Variants in PARD3B observed in about 807,000 individuals in gnomAD.
PARD3B encodes par-3 family cell polarity regulator beta, also known as partitioning defective 3 homolog B.
A neutral mutation model predicts 130.2 loss-of-function variants in PARD3B; 103 were observed. The ratio of observed to expected loss-of-function variants is 0.79; its 90% CI spans 0.67 to 0.93. The LOEUF (loss-of-function observed/expected upper bound fraction) is 0.93, where lower values mean the gene tolerates loss of function less well. PARD3B is among the 40% of genes least tolerant of loss of function. The pLI is 0.00. For missense variants in PARD3B, 1,609 were observed against 1,499.2 expected (o/e 1.07, Z -1.21); for synonymous variants, 583 against 553.2 (o/e 1.05, Z -0.76).
intron 18 of PARD3B, among the ~76,000 whole-genome samples, chr2:205,304,491 C>T (rs1386415625): frequency 2.0e-5 from 3 of 151,892 alleles, no homozygotes; most frequent in African/African-American, 4.8e-5. Flanking sequence ...CAAAATTAGC[C>T]GGGCGTGGTG....
rs1258698402 is a variant in PARD3B, at chr2:205,572,947, A to G, written c.3260+19544A>G. Among the ~76,000 whole-genome samples, 1 of 152,184 alleles carries G rather than the reference A, an allele frequency of 6.6e-6. No homozygotes were observed. ...AGGTTTAATTGACTCACAGTTCAGCATGGCTAGGGAGGCCTCAGGAAACTT... is the reference window on the plus strand; with the variant it reads ...AGGTTTAATTGACTCACAGTTCAGCGTGGCTAGGGAGGCCTCAGGAAACTT... On this transcript the variant is annotated intron_variant, in intron 22 of 22. Coordinates refer to ENST00000406610, the MANE Select transcript of PARD3B (RefSeq NM_001302769.2). The surrounding 1 kb of genome is among the most constrained non-coding windows in gnomAD (Gnocchi z 4.2).
intron 3 of PARD3B, among the ~76,000 whole-genome samples, chr2:205,020,140 A>G (rs936779290): frequency 1.3e-5 from 2 of 152,036 alleles, no homozygotes; most frequent in African/African-American, 4.8e-5. Flanking sequence ...AGTTCCCTTC[A>G]CTTAGGATGA....
intron 6 of PARD3B, among the ~76,000 whole-genome samples, chr2:205,117,973 TTTTC>T (rs1421077225): frequency 1.9e-5 from 1 of 54,000 alleles, no homozygotes; most frequent in East Asian, 4.7e-4. Flanking sequence ...GTGGCTATAG[TTTTC>T]TTTCTTCTTT....
intron 15 of PARD3B, among the ~76,000 whole-genome samples, chr2:205,222,199 C>T (rs1408210049): frequency 6.7e-6 from 1 of 150,272 alleles, no homozygotes; most frequent in Admixed American, 6.6e-5. Flanking sequence ...AAAAGAAACA[C>T]ATATGCTGTT....
intron 3 of PARD3B, among the ~76,000 whole-genome samples, chr2:204,970,705 T>C (rs929226715): frequency 7.2e-5 from 11 of 152,262 alleles, no homozygotes; most frequent in Non-Finnish European, 1.6e-4. Context: ...TTTAGTTAAA[T>C]TATTTTAGCA....
intron 20 of PARD3B, among the ~76,000 whole-genome samples, chr2:205,454,415 A>G (rs1429682112): frequency 1.3e-5 from 2 of 152,164 alleles, no homozygotes; most frequent in Non-Finnish European, 2.9e-5. Context: ...TTAATGGTAT[A>G]CTCATAATTA....
At chr2:204,624,069 C>T (rs1443597399) in intron 1 of PARD3B, among the ~76,000 whole-genome samples, 2 of 151,954 alleles carry the variant, frequency 1.3e-5, no homozygotes, top group Non-Finnish European at 2.9e-5. Context: ...AGTGAAATGT[C>T]CATCATTTAG....
At chr2:204,923,783 C>A (rs1280465386) in intron 2 of PARD3B, among the ~76,000 whole-genome samples, 1 of 151,996 alleles carries the variant, frequency 6.6e-6, no homozygotes, top group Non-Finnish European at 1.5e-5. Context: ...CTACTTTTGA[C>A]ACAGGTGCCT....
At chr2:205,173,188 A>C (rs1253790535) in intron 12 of PARD3B, among the ~76,000 whole-genome samples, 1 of 152,192 alleles carries the variant, frequency 6.6e-6, no homozygotes, top group Non-Finnish European at 1.5e-5. Flanking sequence ...TAATAAAATA[A>C]TATACAAAAT....
chr2:204,836,253 T>C (rs1163331328), intron 2 of PARD3B, among the ~76,000 whole-genome samples: 7 of 152,216 alleles, frequency 4.6e-5, no homozygotes, highest in Non-Finnish European at 1.0e-4. Flanking sequence ...CAGGAGAATT[T>C]TTTTTATCTC....
chr2:205,064,738 A>G (rs114848418), intron 4 of PARD3B, among the ~76,000 whole-genome samples: 16,880 of 152,258 alleles, frequency 0.11, 1,049 homozygotes, highest in Middle Eastern at 0.17. Context: ...GGGAGCTTCA[A>G]GGAAAAAGAT....
chr2:205,177,555 T>A (rs370399906), intron 13 of PARD3B, among the ~76,000 whole-genome samples: 1 of 152,196 alleles, frequency 6.6e-6, no homozygotes, highest in East Asian at 1.9e-4. Context: ...AGTCCCTATA[T>A]TTTGAACACT....
chr2:205,345,089 T>TG (rs2043700933), intron 18 of PARD3B, among the ~76,000 whole-genome samples: 1 of 152,312 alleles, frequency 6.6e-6, no homozygotes, highest in African/African-American at 2.4e-5. Context: ...CTCACCCATT[T>TG]GCAAGGTTCA....
At position 205,488,334 on chromosome 2, in the gene PARD3B, C is replaced by T. The variant is rs113291677; in HGVS notation, c.3045-11562C>T. 9.2e-4 allele frequency among the ~76,000 whole-genome samples: 140 copies of T among 152,132 alleles called. 1 individual carries two copies. Among genetic ancestry groups the T allele is most frequent in the Middle Eastern group, 3.4e-3 (1 of 294 alleles). On this transcript the variant is annotated intron_variant, in intron 20 of 22. Transcript: ENST00000406610. ...CATAAGGACCATGCAACCTACATCC[C>T]TTGCATGCGTGGTTCACCATAGGGT... is the stretch of plus-strand genomic sequence containing the variant.
intron 1 of PARD3B, among the ~76,000 whole-genome samples, chr2:204,578,226 A>G (rs2032369628): frequency 6.6e-6 from 1 of 152,234 alleles, no homozygotes; most frequent in African/African-American, 2.4e-5. Context: ...GCTGAAGAGT[A>G]ACAAGGAAGC....
chr2:205,283,625 C>G (rs1354645821), intron 16 of PARD3B, among the ~76,000 whole-genome samples: 1 of 152,128 alleles, frequency 6.6e-6, no homozygotes, highest in Non-Finnish European at 1.5e-5. Context: ...ACTTTCATTA[C>G]CCAAACTATG....
At chr2:204,916,824 C>T (rs1292003116) in intron 2 of PARD3B, among the ~76,000 whole-genome samples, 1 of 152,054 alleles carries the variant, frequency 6.6e-6, no homozygotes, top group African/African-American at 2.4e-5. Context: ...GATACTAAGC[C>T]ACTCTTGAGC....
intron 2 of PARD3B, among the ~76,000 whole-genome samples, chr2:204,771,741 C>A (rs746836529): frequency 3.3e-5 from 5 of 152,066 alleles, no homozygotes; most frequent in Non-Finnish European, 7.4e-5. Flanking sequence ...AAAAACACAT[C>A]CATTCATACC....
At chr2:205,480,655 C>T (rs2106287441) in intron 20 of PARD3B, among the ~76,000 whole-genome samples, 2 of 152,256 alleles carry the variant, frequency 1.3e-5, no homozygotes, top group Middle Eastern at 3.4e-3. Flanking sequence ...AGAGTTGTTC[C>T]TTAGTTCATG....
Sources: gnomAD v4.1 joint callset for allele counts (sites outside exome capture counted in the v4.1 genomes callset) on GRCh38, gnomAD v4.1.1 for gene constraint, Gnocchi (gnomAD v3.1) non-coding constraint, MANE v1.5 for transcripts, NCBI Gene and HGNC (gene_info 2026-07-23, HGNC 2026-07-21) for gene names.